CTIF: variants seen among roughly 807,000 people sequenced by gnomAD.
CTIF encodes the protein cap binding complex dependent translation initiation factor.
A neutral mutation model predicts 66.0 loss-of-function variants in CTIF; 21 were observed. The ratio of observed to expected loss-of-function variants is 0.32; its 90% CI spans 0.23 to 0.46. The LOEUF is 0.46. CTIF is among the 20% of genes least tolerant of loss of function. The pLI, the probability that CTIF is intolerant of heterozygous loss-of-function variation, is 1.00. For missense variants in CTIF, 739 were observed against 812.7 expected (o/e 0.91, Z 1.10); for synonymous variants, 345 against 326.4 (o/e 1.06, Z -0.62).
chr18:48,699,289 C>G (rs754399167), intron 6 of CTIF, among the ~76,000 whole-genome samples: 1 of 152,156 alleles, frequency 6.6e-6, no homozygotes, highest in South Asian at 2.1e-4. Context: ...AGACAGGCCC[C>G]TCCCTGGCTC....
At chr18:48,772,012 A>C (rs945415211) in intron 9 of CTIF, among the ~76,000 whole-genome samples, 1 of 152,244 alleles carries the variant, frequency 6.6e-6, no homozygotes, top group African/African-American at 2.4e-5. Context: ...CTGGCTCCCC[A>C]GGGAGGCTCC....
rs79257892 is a variant in CTIF, at chr18:48,799,883, G to A, written c.1372-17338G>A. Among the ~76,000 whole-genome samples, 870 of 152,368 alleles carry A rather than the reference G, an allele frequency of 5.7e-3. 8 individuals carry two copies. Among genetic ancestry groups the A allele is most frequent in the African/African-American group, 0.02 (845 of 41,588 alleles). On this transcript the variant is annotated intron_variant, in intron 9 of 11. Transcript: ENST00000256413. ...TGCAGAACTTGCAATCCGAGTGGGA[G>A]AGGCAATCACTGAACGCATAAGCTT... is the stretch of plus-strand genomic sequence containing the variant.
chr18:48,558,484 A>C (rs975810932), intron 1 of CTIF, among the ~76,000 whole-genome samples: 1 of 152,226 alleles, frequency 6.6e-6, no homozygotes, highest in African/African-American at 2.4e-5. Flanking sequence ...TACATGTTCA[A>C]TTTCAGCCTA....
At chr18:48,814,658 G>A (rs1487643768) in intron 9 of CTIF, among the ~76,000 whole-genome samples, 1 of 152,238 alleles carries the variant, frequency 6.6e-6, no homozygotes, top group African/African-American at 2.4e-5. Context: ...TTCAAGCCCA[G>A]TAGTGCAGGG....
At chr18:48,552,944 C>T (rs1568027588) in intron 1 of CTIF, among the ~76,000 whole-genome samples, 1 of 152,170 alleles carries the variant, frequency 6.6e-6, no homozygotes, top group African/African-American at 2.4e-5. Context: ...AGGGCTTGGA[C>T]GATATAATAC....
At chr18:48,660,803 G>C (rs1469506196) in intron 3 of CTIF, among the ~76,000 whole-genome samples, 3 of 152,210 alleles carry the variant, frequency 2.0e-5, no homozygotes, top group Non-Finnish European at 4.4e-5. Context: ...GTGCCCATCT[G>C]CACTGCCCTT....
At position 48,862,663 on chromosome 18, in the gene CTIF, T is replaced by TTTTA. The variant is rs2069500568; in HGVS notation, c.*3108_*3111dup. 1 of 150,608 alleles carries TTTTA rather than the reference T, an allele frequency of 6.6e-6. No homozygotes were observed. Among genetic ancestry groups the TTTTA allele is most frequent in the East Asian group, 1.9e-4 (1 of 5,184 alleles). The allele number at this position is 150,608 out of a possible 1,614,324, so 9.3% of individuals were successfully genotyped here. The stretch of plus-strand genomic sequence containing the variant: ...CGAGTCGGTATTTATTCTGATTGAT[T>TTTTA]TTTATTTTATTCTATTATTTTCTCC... On this transcript the variant is annotated 3_prime_UTR_variant, in exon 12 of 12. Transcript: ENST00000256413.
intron 3 of CTIF, among the ~76,000 whole-genome samples, chr18:48,651,607 C>T (rs1400393575): frequency 6.6e-6 from 1 of 152,174 alleles, no homozygotes; most frequent in African/African-American, 2.4e-5. Context: ...AGCTCTGCAC[C>T]AAGCAGACCT....
intron 10 of CTIF, among the ~76,000 whole-genome samples, chr18:48,836,707 A>G (rs2068818777): frequency 6.6e-6 from 1 of 151,590 alleles, no homozygotes; most frequent in Non-Finnish European, 1.5e-5. Flanking sequence ...TTCCTCCTCC[A>G]CTCCTCTCCT....
intron 7 of CTIF, 120 bp downstream of exon 7, chr18:48,711,815 G>A: frequency 1.2e-6 from 1 of 820,080 alleles, no homozygotes; most frequent in Non-Finnish European, 2.0e-6. Flanking sequence ...GATGAGATGG[G>A]GTTGGTGGCA....
chr18:48,637,753 T>C (rs1598781516), intron 3 of CTIF, among the ~76,000 whole-genome samples: 2 of 152,142 alleles, frequency 1.3e-5, no homozygotes, highest in East Asian at 3.9e-4. Flanking sequence ...CGTGACAAAA[T>C]GTGCTTGTAC....
intron 9 of CTIF, among the ~76,000 whole-genome samples, chr18:48,784,347 A>C (rs1599037873): frequency 6.6e-6 from 1 of 152,272 alleles, no homozygotes; most frequent in African/African-American, 2.4e-5. Context: ...GAGCATGAGC[A>C]GAGGCAAGAA....
chr18:48,613,380 T>C (rs1272395786), intron 1 of CTIF, among the ~76,000 whole-genome samples: 2 of 152,054 alleles, frequency 1.3e-5, no homozygotes, highest in African/African-American at 4.8e-5. Flanking sequence ...CCCACGGTGT[T>C]CACAGAAACC....
chr18:48,823,493 G>A (rs181881317), intron 10 of CTIF, among the ~76,000 whole-genome samples: 2 of 152,016 alleles, frequency 1.3e-5, no homozygotes, highest in African/African-American at 2.4e-5. Context: ...TTTATTTTTC[G>A]ACTCTCTATT....
chr18:48,752,254 A>G (rs951063736), intron 7 of CTIF, among the ~76,000 whole-genome samples: 4 of 152,222 alleles, frequency 2.6e-5, no homozygotes, highest in Non-Finnish European at 5.9e-5. Context: ...CCACGGTGGC[A>G]GGAGTGTTTC....
intron 1 of CTIF, among the ~76,000 whole-genome samples, chr18:48,587,023 C>T (rs758174949): frequency 2.6e-5 from 4 of 151,880 alleles, no homozygotes; most frequent in Non-Finnish European, 5.9e-5. Flanking sequence ...GTACAACCTA[C>T]ACAACCCACT....
chr18:48,837,558 C>T (rs547535132), intron 10 of CTIF, among the ~76,000 whole-genome samples: 5 of 152,090 alleles, frequency 3.3e-5, no homozygotes, highest in South Asian at 2.1e-4. Context: ...TGAACAAAGG[C>T]GATTAGAGCT....
chr18:48,833,002 T>G (rs2146466230), intron 10 of CTIF, among the ~76,000 whole-genome samples: 1 of 152,276 alleles, frequency 6.6e-6, no homozygotes, highest in South Asian at 2.1e-4. Flanking sequence ...AAGCTCTACT[T>G]TTTTTGGAAA....
At chr18:48,821,085 A>G (rs1266308226) in intron 10 of CTIF, among the ~76,000 whole-genome samples, 2 of 152,166 alleles carry the variant, frequency 1.3e-5, no homozygotes, top group Admixed American at 6.5e-5. Context: ...CTTTGGAGTC[A>G]TCTCTGCCTC....
Sources: allele counts gnomAD v4.1 joint callset (sites outside exome capture counted in the v4.1 genomes callset), GRCh38; gene constraint gnomAD v4.1.1; transcripts MANE v1.5; gene names NCBI Gene and HGNC (gene_info 2026-07-23, HGNC 2026-07-21).